SGTA: variants seen among roughly 807,000 people sequenced by gnomAD.
SGTA encodes small glutamine-rich tetratricopeptide repeat-containing protein alpha.
In SGTA, 22 loss-of-function variants were observed where a neutral mutation model predicts 44.3. That is an observed-to-expected ratio of 0.50 (90% CI 0.36 to 0.71). The LOEUF is 0.71. SGTA is among the 30% of genes least tolerant of loss of function. SGTA has a pLI of 0.00. For missense variants in SGTA, 341 were observed against 435.9 expected, an observed-to-expected ratio of 0.78 and a Z score of 1.94; for synonymous variants, 174 against 177.6, an observed-to-expected ratio of 0.98 and a Z score of 0.16.
chr19:2,767,139 C>T lies in SGTA; in HGVS notation c.289G>A (p.Glu97Lys), dbSNP rs1287175306. The change falls in exon 4 of 12, where the codon GAA becomes AAA. Residue 97 changes from glutamate (E) to lysine (K), a missense_variant. Physicochemically the swap from Glu to Lys is moderately conservative, Grantham distance 56. Coordinates refer to ENST00000221566, the MANE Select transcript of SGTA (RefSeq NM_003021.4). The surrounding 1 kb of genome is among the most constrained non-coding windows in gnomAD (Gnocchi z 7.3). Reference sequence around the variant, plus strand: ...GGGGATGGAGGTCCTCCCTTACCTTCGGTTTTGAGGCGCTCTGCCTCTGCT... The same window carrying T: ...GGGGATGGAGGTCCTCCCTTACCTTTGGTTTTGAGGCGCTCTGCCTCTGCT... ...DSAEAERLKT[E>K]GNEQMKVENF... The T allele has an allele frequency of 2.5e-6, 4 of 1,609,832 alleles. No homozygotes were observed. The highest frequency in any genetic ancestry group is 1.1e-5 in the South Asian group (1 of 90,220).
intron 8 of SGTA, among the ~76,000 whole-genome samples, chr19:2,759,693 GT>G: frequency 6.6e-6 from 1 of 152,322 alleles, no homozygotes; most frequent in East Asian, 1.9e-4. Flanking sequence ...GGGCGCGGTG[GT>G]TCACGCCTGG....
chr19:2,762,760 C>T (rs1408562250), intron 6 of SGTA, 116 bp from the exon 7 acceptor site: 8 of 1,216,070 alleles, frequency 6.6e-6, no homozygotes, highest in Non-Finnish European at 9.3e-6. Context: ...ATGGTGCCAC[C>T]CCCTGCCCGC....
intron 1 of SGTA, chr19:2,777,991 T>C (rs1183215090): frequency 7.3e-6 from 1 of 136,986 alleles, no homozygotes; most frequent in African/African-American, 2.8e-5. Flanking sequence ...CACGCCAGTC[T>C]GGGTGACAAA....
At position 2,769,031 on chromosome 19, in the gene SGTA, T is replaced by C. The variant is rs764568711; in HGVS notation, c.38A>G (p.Gln13Arg). 1 of 1,614,016 alleles carries C rather than the reference T, an allele frequency of 6.2e-7. No individual in the cohort carries two copies. Among genetic ancestry groups the C allele is most frequent in the Non-Finnish European group, 8.5e-7 (1 of 1,179,950 alleles). ...GTGCCGGAGCTGGTCATGCAGGAAC[T>C]GGATGATGGCGTAGGCCAGGCGCTT... Reference protein sequence around the residue: ...NKKRLAYAIIQFLHDQLRHGG... With the variant: ...NKKRLAYAIIRFLHDQLRHGG... Residue 13 changes from glutamine to arginine, a missense_variant, in exon 2 of 12, where the codon CAG (glutamine) becomes CGG (arginine). Transcript: ENST00000221566.
At chr19:2,777,206 G>A (rs1049483382) in intron 1 of SGTA, among the ~76,000 whole-genome samples, 6 of 150,466 alleles carry the variant, frequency 4.0e-5, no homozygotes, top group African/African-American at 9.9e-5. Context: ...AGCCAAGATC[G>A]CACTACTGTA....
chr19:2,778,624 G>C (rs893743381), intron 1 of SGTA, among the ~76,000 whole-genome samples: 3 of 152,140 alleles, frequency 2.0e-5, no homozygotes, highest in African/African-American at 7.2e-5. Flanking sequence ...CCTGGGCTAG[G>C]GGATGCCACG....
intron 8 of SGTA, 75 bp from the exon 9 acceptor site, chr19:2,759,369 C>G (rs1914920339): frequency 1.1e-5 from 15 of 1,408,824 alleles, no homozygotes; most frequent in Non-Finnish European, 1.4e-5. Flanking sequence ...CACTTTCCAT[C>G]TTAACCAGCC....
chr19:2,757,788 G>GGA lies in SGTA; in HGVS notation c.738-8_738-7dup, dbSNP rs2144718297. On this transcript the variant is annotated splice_polypyrimidine_tract_variant and splice_region_variant and intron_variant, in intron 9 of 11. Transcript: ENST00000221566. ...CCGAAATCATGCCGGACATGCTGCA[G>GGA]GAGAGAGCGCGTGACTCGCAGCCGG... is the stretch of plus-strand genomic sequence containing the variant. 1.3e-6 allele frequency: 2 copies of GGA among 1,579,190 alleles called. No homozygotes were observed. Among genetic ancestry groups the GGA allele is most frequent in the East Asian group, 4.5e-5 (2 of 44,012 alleles).
intron 10 of SGTA, 50 bp downstream of exon 10, chr19:2,757,643 C>A: frequency 6.8e-7 from 1 of 1,480,220 alleles, no homozygotes; most frequent in South Asian, 1.3e-5. Flanking sequence ...CGCCTGCGAG[C>A]CCTGCCCGCC....
In SGTA at chr19:2,765,077, C is replaced by T. The variant is rs185600361; in HGVS notation, c.392+109G>A. 2,238 of 730,068 alleles carry T rather than the reference C, an allele frequency of 3.1e-3. 42 individuals carry two copies. The Admixed American group carries it at 0.036, about 12-fold the overall frequency. 45.2% of individuals were successfully genotyped at this position (730,068 alleles called of 1,614,324 possible). On this transcript the variant is annotated intron_variant, in intron 5 of 11. Transcript: ENST00000221566. This position sits in a 1 kb window ranked among gnomAD's most constrained non-coding sequence, Gnocchi z 5.5. Reference sequence around the variant, plus strand: ...GGTCTGAGACCACCGGTGAATGGATCCCTCATCTACAGCGCAGAGGCCTCT... The same window carrying T: ...GGTCTGAGACCACCGGTGAATGGATTCCTCATCTACAGCGCAGAGGCCTCT...
In SGTA at chr19:2,765,018, C is replaced by G. The variant is rs780195908; in HGVS notation, c.392+168G>C. Reference sequence around the variant, plus strand: ...ATTTTAAATCAGCATCGACTCTCCCCGACCCCGTTGCTGGTCACCTGATGC... The same window carrying G: ...ATTTTAAATCAGCATCGACTCTCCCGGACCCCGTTGCTGGTCACCTGATGC... On this transcript the variant is annotated intron_variant, in intron 5 of 11. Transcript: ENST00000221566. This position sits in a 1 kb window ranked among gnomAD's most constrained non-coding sequence, Gnocchi z 5.5. Among the ~76,000 whole-genome samples, 4 of 152,122 alleles carry G rather than the reference C, an allele frequency of 2.6e-5. No individual in the cohort carries two copies. Among genetic ancestry groups the G allele is most frequent in the Non-Finnish European group, 5.9e-5 (4 of 68,032 alleles).
At chr19:2,780,160 A>G (rs1599510920) in intron 1 of SGTA, among the ~76,000 whole-genome samples, 2 of 152,154 alleles carry the variant, frequency 1.3e-5, no homozygotes, top group Non-Finnish European at 2.9e-5. Flanking sequence ...TTCAATGGAA[A>G]AAAATAGAAC....
At chr19:2,760,198 G>A (rs966247491) in intron 8 of SGTA, among the ~76,000 whole-genome samples, 2 of 152,044 alleles carry the variant, frequency 1.3e-5, no homozygotes, top group South Asian at 2.1e-4. Context: ...GACACTAGGT[G>A]TATGAATGGG....
chr19:2,782,738 T>C (rs914207983), intron 1 of SGTA: 1 of 152,200 alleles, frequency 6.6e-6, no homozygotes, highest in African/African-American at 2.4e-5. Context: ...CTCCTTCTCC[T>C]AGGCAGGGAC....
rs1915163540 is a variant in SGTA, at chr19:2,767,073, G to A, written c.292+63C>T. ...CCAGGGACCAGCTGGCCTCTGCGAG[G>A]GTCCCACAGCCCCGGAGTCCAGGTA... On this transcript the variant is annotated intron_variant, in intron 4 of 11. Transcript: ENST00000221566. This position sits in a 1 kb window ranked among gnomAD's most constrained non-coding sequence, Gnocchi z 7.3. 7.9e-7 allele frequency: 1 copy of A among 1,261,408 alleles called. No individual in the cohort carries two copies. The highest frequency in any genetic ancestry group is 2.5e-5 in the East Asian group (1 of 39,946). 78.1% of individuals were successfully genotyped at this position (1,261,408 alleles called of 1,614,324 possible). A position where few individuals can be genotyped will look rare whatever the true frequency, so the allele number is the denominator to read the frequency against.
chr19:2,782,821 C>A, intron 1 of SGTA, among the ~76,000 whole-genome samples: 1 of 152,212 alleles, frequency 6.6e-6, no homozygotes, highest in East Asian at 1.9e-4. Flanking sequence ...CAAGGTCACC[C>A]AGGTAGGGAC....
intron 11 of SGTA, among the ~76,000 whole-genome samples, chr19:2,756,713 T>C (rs4807323): frequency 0.35 from 53,640 of 151,262 alleles, 11,379 homozygotes; most frequent in East Asian, 0.65. Context: ...GGGAAGCCGG[T>C]GTCTGCTGGA....
At position 2,767,115 on chromosome 19, in the gene SGTA, G is replaced by A. The variant is rs1204033345; in HGVS notation, c.292+21C>T. ...GTCCAGGTAGGGCGAGGTGTCTGTG[G>A]GGATGGAGGTCCTCCCTTACCTTCG... On this transcript the variant is annotated intron_variant, in intron 4 of 11. Transcript: ENST00000221566. The surrounding 1 kb of genome is among the most constrained non-coding windows in gnomAD (Gnocchi z 7.3). The A allele has an allele frequency of 6.3e-7, 1 of 1,578,764 alleles. No homozygotes were observed. The highest frequency in any genetic ancestry group is 2.3e-5 in the East Asian group (1 of 44,008).
At chr19:2,775,481 A>G (rs1277656196) in intron 1 of SGTA, among the ~76,000 whole-genome samples, 1 of 152,270 alleles carries the variant, frequency 6.6e-6, no homozygotes, top group East Asian at 1.9e-4. Context: ...TCCCAGACAC[A>G]CTGGGTGTGC....
Sources: gnomAD v4.1 joint callset for allele counts (sites outside exome capture counted in the v4.1 genomes callset) on GRCh38, gnomAD v4.1.1 for gene constraint, Gnocchi (gnomAD v3.1) non-coding constraint, MANE v1.5 for transcripts, NCBI Gene and HGNC (gene_info 2026-07-23, HGNC 2026-07-21) for gene names.